The following NEXMIF variants were observed in gnomAD, a reference collection of about 807,000 sequenced individuals.
The protein encoded by NEXMIF is neurite extension and migration factor, also known as XLMR protein related to neurite extension.
In NEXMIF, 8 loss-of-function variants were observed where a neutral mutation model predicts 62.1. The observed-to-expected ratio is 0.13, with a 90% CI of 0.08 to 0.23. The LOEUF (loss-of-function observed/expected upper bound fraction) is 0.23, where lower values mean the gene tolerates loss of function less well. Ranked by LOEUF, NEXMIF falls within the 10% of genes least tolerant of loss-of-function variation. The probability of loss-of-function intolerance (pLI) is 1.00; values close to 1 mark genes in which losing one functional copy is unlikely to be tolerated. For synonymous variants in NEXMIF, 404 were observed against 416.6 expected (o/e 0.97, Z 0.37); for missense variants, 976 against 1,113.3 (o/e 0.88, Z 1.75).
At chrX:74,872,198 C>A (rs995335682) in intron 1 of NEXMIF, among the ~76,000 whole-genome samples, 1 of 110,821 alleles carries the variant, frequency 9.0e-6, no homozygotes, top group Non-Finnish European at 1.9e-5. Flanking sequence ...CCTGACTTCC[C>A]GCAACAAAAA....
chrX:74,846,746 G>A (rs2080493030), intron 1 of NEXMIF, among the ~76,000 whole-genome samples: 1 of 112,015 alleles, frequency 8.9e-6, no homozygotes, highest in Non-Finnish European at 1.9e-5. Context: ...ATTTTACTAT[G>A]TTCTATGTGC....
chrX:74,754,812 C>G (rs150507571), intron 1 of NEXMIF, among the ~76,000 whole-genome samples: 1,281 of 111,193 alleles, frequency 0.012, 8 homozygotes, highest in Middle Eastern at 0.042. Flanking sequence ...TAGGTAAGTA[C>G]ACAAGAATAA....
In NEXMIF at chrX:74,743,472, G is replaced by A. The variant is rs755362755; in HGVS notation, c.1085C>T (p.Ser362Phe). 2.5e-6 allele frequency: 3 copies of A among 1,211,522 alleles called. No individual in the cohort carries two copies. The Admixed American group carries it at 6.5e-5, about 26-fold the overall frequency. Residue 362 changes from serine (S) to phenylalanine (F), a missense_variant, in exon 3 of 4, where the codon TCC becomes TTC. This residue lies in a region of NEXMIF where 639 missense variants were observed against 694.5 expected (regional missense o/e 0.92). Coordinates refer to ENST00000055682, the MANE Select transcript of NEXMIF (RefSeq NM_001008537.3). ...GCTCACATCAGGGACCTTGAATTGG[G>A]AAAAATCACTGCTCTGCTTCAGGGC... Reference protein sequence around the residue: ...SGALKQSSDFSQFKVPDVSII... With the variant: ...SGALKQSSDFFQFKVPDVSII...
chrX:74,789,009 G>A (rs1212570394), intron 1 of NEXMIF, among the ~76,000 whole-genome samples: 4 of 107,828 alleles, frequency 3.7e-5, no homozygotes, highest in Non-Finnish European at 7.7e-5. Flanking sequence ...TAAGTTTTAG[G>A]GTACATGTGC....
At chrX:74,780,904 C>T (rs898551508) in intron 1 of NEXMIF, among the ~76,000 whole-genome samples, 2 of 111,449 alleles carry the variant, frequency 1.8e-5, no homozygotes, top group African/African-American at 6.5e-5. Flanking sequence ...AGGGAGAGTA[C>T]AGCACAGTGG....
chrX:74,794,013 T>G (rs1229341254), intron 1 of NEXMIF, among the ~76,000 whole-genome samples: 5 of 82,940 alleles, frequency 6.0e-5, no homozygotes. Context: ...GTTTCGTTGC[T>G]GGTGAGGAAC....
intron 1 of NEXMIF, among the ~76,000 whole-genome samples, chrX:74,803,396 A>AAAAT (rs921750881): frequency 3.2e-4 from 35 of 110,071 alleles, no homozygotes; most frequent in Admixed American, 1.6e-3. Flanking sequence ...TAAAAATACA[A>AAAAT]AAATAAATAA....
chrX:74,837,255 G>C (rs185507408), intron 1 of NEXMIF, among the ~76,000 whole-genome samples: 142 of 111,847 alleles, frequency 1.3e-3, no homozygotes, highest in Non-Finnish European at 2.4e-3. Context: ...GTCCGGTACT[G>C]TGATTGCTCA....
chrX:74,864,484 G>A (rs992633932), intron 1 of NEXMIF, among the ~76,000 whole-genome samples: 23 of 111,422 alleles, frequency 2.1e-4, no homozygotes, highest in Admixed American at 1.9e-3. Context: ...TGAATCATGG[G>A]GGCAGGTTTT....
intron 1 of NEXMIF, among the ~76,000 whole-genome samples, chrX:74,791,055 A>C (rs1244649577): frequency 1.8e-5 from 2 of 110,486 alleles, no homozygotes; most frequent in East Asian, 2.8e-4. Context: ...GTCTTGTGCC[A>C]GTTTTCAAAG....
At chrX:74,767,892 G>A (rs1602221849) in intron 1 of NEXMIF, among the ~76,000 whole-genome samples, 1 of 112,115 alleles carries the variant, frequency 8.9e-6, no homozygotes, top group East Asian at 2.8e-4. Context: ...TATCCTGCAA[G>A]GTTCCATGGA....
intron 1 of NEXMIF, among the ~76,000 whole-genome samples, chrX:74,785,495 A>AT (rs1381216443): frequency 9.0e-5 from 10 of 111,018 alleles, no homozygotes; most frequent in South Asian, 3.8e-4. Context: ...TAAAAAAAAA[A>AT]TTTTTTTTCA....
intron 1 of NEXMIF, among the ~76,000 whole-genome samples, chrX:74,753,493 A>C (rs1038773864): frequency 1.8e-5 from 2 of 112,064 alleles, no homozygotes; most frequent in African/African-American, 6.5e-5. Flanking sequence ...ACCACTAATC[A>C]GAGGGCTACT....
intron 1 of NEXMIF, among the ~76,000 whole-genome samples, chrX:74,849,719 T>C (rs1476081041): frequency 1.8e-5 from 2 of 112,291 alleles, no homozygotes; most frequent in Admixed American, 9.3e-5. Context: ...GACCCTGCTA[T>C]AGGGTGCATT....
rs1569334847 is a variant in NEXMIF, at chrX:74,740,506, G to A, written c.4051C>T (p.Pro1351Ser). 1 of 1,211,429 alleles carries A rather than the reference G, an allele frequency of 8.3e-7. No individual in the cohort carries two copies. Reference protein sequence around the residue: ...LWEPMEHHGDPNIFYSPESNS... With the variant: ...LWEPMEHHGDSNIFYSPESNS... The stretch of plus-strand genomic sequence containing the variant: ...GACTCAGGGGAGTAGAATATGTTGG[G>A]ATCCCCATGGTGCTCCATGGGTTCC... Residue 1351 changes from proline to serine, a missense_variant, in exon 3 of 4, where the codon CCC becomes TCC. Physicochemically the swap from Pro to Ser is moderately conservative, Grantham distance 74. Around this residue, in one of 5 missense-constraint regions of NEXMIF, gnomAD observed 137 missense variants for 128.9 expected, o/e 1.06. Transcript: ENST00000055682.
chrX:74,904,692 T>G (rs2080761099), intron 1 of NEXMIF, among the ~76,000 whole-genome samples: 1 of 111,445 alleles, frequency 9.0e-6, no homozygotes, highest in Non-Finnish European at 1.9e-5. Flanking sequence ...GTTCTAGGTT[T>G]CCTTTCCCTC....
chrX:74,879,037 T>C (rs2080651693), intron 1 of NEXMIF, among the ~76,000 whole-genome samples: 1 of 112,011 alleles, frequency 8.9e-6, no homozygotes, highest in South Asian at 3.7e-4. Context: ...TATCTTTTTA[T>C]ATATGTTTGC....
chrX:74,907,693 G>A (rs1387375561), intron 1 of NEXMIF, among the ~76,000 whole-genome samples: 6 of 111,357 alleles, frequency 5.4e-5, no homozygotes, highest in Non-Finnish European at 9.4e-5. Flanking sequence ...ATAAAATATA[G>A]GAGTCCTTTG....
chrX:74,845,043 A>T (rs1376973784), intron 1 of NEXMIF, among the ~76,000 whole-genome samples: 5 of 112,365 alleles, frequency 4.4e-5, no homozygotes, highest in Non-Finnish European at 7.5e-5. Flanking sequence ...GCTATTGGTA[A>T]AGAGAATTAA....
Sources: gnomAD v4.1 joint callset for allele counts (sites outside exome capture counted in the v4.1 genomes callset) on GRCh38, gnomAD v4.1.1 for gene constraint, gnomAD v4.1.1 regional missense constraint, MANE v1.5 for transcripts, NCBI Gene and HGNC (gene_info 2026-07-23, HGNC 2026-07-21) for gene names.